JAKMIP2: variants seen among roughly 807,000 people sequenced by gnomAD.
JAKMIP2 encodes the protein janus kinase and microtubule-interacting protein 2.
A neutral mutation model predicts 115.0 loss-of-function variants in JAKMIP2; 25 were observed. That is an observed-to-expected ratio of 0.22 (90% CI 0.16 to 0.30). The LOEUF is 0.30. Ranked by LOEUF, JAKMIP2 falls within the 10% of genes least tolerant of loss-of-function variation. The pLI is 1.00. For missense variants in JAKMIP2, 642 were observed against 957.6 expected, an observed-to-expected ratio of 0.67 and a Z score of 4.35; for synonymous variants, 334 against 343.6, an observed-to-expected ratio of 0.97 and a Z score of 0.31.
chr5:147,612,648 A>T (rs1756391046), intron 19 of JAKMIP2, among the ~76,000 whole-genome samples: 1 of 152,192 alleles, frequency 6.6e-6, no homozygotes, highest in African/African-American at 2.4e-5. Flanking sequence ...CTTCCTAGTG[A>T]GGTGTAGATT....
At chr5:147,665,530 A>T (rs1302313301) in intron 2 of JAKMIP2, among the ~76,000 whole-genome samples, 2 of 152,222 alleles carry the variant, frequency 1.3e-5, no homozygotes, top group Non-Finnish European at 2.9e-5. Context: ...GCTGGTGGGT[A>T]ACAAGGGAAA....
At position 147,706,340 on chromosome 5, in the gene JAKMIP2, T is replaced by C. The variant is rs574803009; in HGVS notation, c.-148-34386A>G. 2.5e-4 allele frequency among the ~76,000 whole-genome samples: 38 copies of C among 152,204 alleles called. No individual in the cohort carries two copies. In the East Asian group the frequency reaches 6.8e-3, roughly 27 times the overall value. On this transcript the variant is annotated intron_variant, in intron 1 of 21. Transcript: ENST00000616793. ...ATTCTAACAACGTGTTGACCAGCAA[T>C]GCTTTTCAGTCAAGGCTGGCAAGGA...
chr5:147,764,967 G>A (rs71580454), intron 1 of JAKMIP2, among the ~76,000 whole-genome samples: 2,357 of 20,548 alleles, frequency 0.11, 158 homozygotes, highest in East Asian at 0.34. Flanking sequence ...AGAGAGAGAG[G>A]GGGAGAGAGA....
chr5:147,622,983 C>T, intron 17 of JAKMIP2, among the ~76,000 whole-genome samples: 1 of 152,086 alleles, frequency 6.6e-6, no homozygotes, highest in Non-Finnish European at 1.5e-5. Flanking sequence ...TGCAGTGGTA[C>T]AAAAATAGCT....
chr5:147,742,155 A>AT lies in JAKMIP2; in HGVS notation c.-149+40300dup, dbSNP rs755006646. ...TGTGGATCATTATATATATATATATATTTTTTTTACTATTGTATTGTATCT... is the reference window on the plus strand; with the variant it reads ...TGTGGATCATTATATATATATATATATTTTTTTTTACTATTGTATTGTATCT... On this transcript the variant is annotated intron_variant, in intron 1 of 21. Transcript: ENST00000616793. Among the ~76,000 whole-genome samples the AT allele has an allele frequency of 1.0e-3, 114 of 108,900 alleles. 7 individuals carry two copies. The highest frequency in any genetic ancestry group is 3.2e-3 in the African/African-American group (84 of 26,444). The allele number at this position is 108,900 out of a possible 152,430, so 71.4% of individuals were successfully genotyped here.
chr5:147,738,428 T>C (rs1754007883), intron 1 of JAKMIP2, among the ~76,000 whole-genome samples: 1 of 152,182 alleles, frequency 6.6e-6, no homozygotes, highest in Non-Finnish European at 1.5e-5. Context: ...ATTAAAAATA[T>C]ATGTATTTCC....
At chr5:147,696,159 CTGAGACCGACA>C (rs1238760806) in intron 1 of JAKMIP2, among the ~76,000 whole-genome samples, 1 of 152,166 alleles carries the variant, frequency 6.6e-6, no homozygotes, top group Admixed American at 6.5e-5. Context: ...ATAAGGTTTA[CTGAGACCGACA>C]TGTTGCAAAA....
intron 1 of JAKMIP2, among the ~76,000 whole-genome samples, chr5:147,751,518 C>G (rs1207370091): frequency 9.3e-6 from 1 of 106,966 alleles, no homozygotes; most frequent in Admixed American, 1.3e-4. Context: ...CCCCTCCCCC[C>G]ACCCCCTTCA....
intron 1 of JAKMIP2, among the ~76,000 whole-genome samples, chr5:147,742,155 A>ATATATATATATATATATT: frequency 1.8e-5 from 2 of 108,908 alleles, no homozygotes; most frequent in African/African-American, 7.6e-5. Context: ...ATATATATAT[A>ATATATATATATATATATT]TTTTTTTTAC....
At chr5:147,642,966 A>C (rs1757953155) in intron 7 of JAKMIP2, among the ~76,000 whole-genome samples, 1 of 152,044 alleles carries the variant, frequency 6.6e-6, no homozygotes, top group Non-Finnish European at 1.5e-5. Flanking sequence ...CTCCCAGCCT[A>C]CATCTTTCTC....
In JAKMIP2 at chr5:147,601,759, C is replaced by T. The variant is rs1439281459; in HGVS notation, c.*2G>A. 6.6e-7 allele frequency: 1 copy of T among 1,524,124 alleles called. No homozygotes were observed. The highest frequency in any genetic ancestry group is 8.8e-7 in the Non-Finnish European group (1 of 1,131,836). The allele number at this position is 1,524,124 out of a possible 1,614,324, so 94.4% of individuals were successfully genotyped here. On this transcript the variant is annotated 3_prime_UTR_variant, in exon 21 of 22. Transcript: ENST00000616793. ...ATCTTACCTTTAAGAGGCACCTTGA[C>T]ATCAAGGCCATAGAATAAAGGCAAG...
At chr5:147,745,359 T>C (rs1754315094) in intron 1 of JAKMIP2, among the ~76,000 whole-genome samples, 1 of 152,232 alleles carries the variant, frequency 6.6e-6, no homozygotes, top group South Asian at 2.1e-4. Flanking sequence ...TGTTGGATTC[T>C]GCTTGATTAA....
intron 1 of JAKMIP2, among the ~76,000 whole-genome samples, chr5:147,733,634 G>A (rs562344942): frequency 4.6e-5 from 7 of 151,934 alleles, no homozygotes; most frequent in Non-Finnish European, 8.8e-5. Flanking sequence ...CCGCTGACAG[G>A]CCCCGGTGCG....
chr5:147,675,782 CA>C (rs1407520857), intron 1 of JAKMIP2, among the ~76,000 whole-genome samples: 1,528 of 126,632 alleles, frequency 0.012, 20 homozygotes, highest in Middle Eastern at 0.065. Flanking sequence ...AATCATATGA[CA>C]TTTTTTTTTT....
intron 5 of JAKMIP2, among the ~76,000 whole-genome samples, chr5:147,645,722 T>C (rs1423596446): frequency 1.3e-5 from 2 of 152,152 alleles, no homozygotes; most frequent in Non-Finnish European, 2.9e-5. Flanking sequence ...GATGTTTTTT[T>C]GATGTAAGGT....
chr5:147,634,859 T>C (rs1561504905), intron 12 of JAKMIP2, among the ~76,000 whole-genome samples: 1 of 152,198 alleles, frequency 6.6e-6, no homozygotes, highest in African/African-American at 2.4e-5. Flanking sequence ...AGCCAGGATG[T>C]TGTGGTTAAT....
At chr5:147,604,800 TTTATTATTATTATTA>T (rs145441560) in intron 20 of JAKMIP2, among the ~76,000 whole-genome samples, 1,653 of 143,532 alleles carry the variant, frequency 0.012, 32 homozygotes, top group African/African-American at 0.037. Context: ...GGCCAGACAT[TTTATTATTATTATTA>T]TTATTATTAT....
rs1755017636 is a variant in JAKMIP2 at position 147,589,492 on chromosome 5, T to C, written c.*2215A>G. ...ATACAGCAGGATAGTCTGTTTTGTA[T>C]CTTCCCAGTAGGGCATACCACCTGG... On this transcript the variant is annotated 3_prime_UTR_variant, in exon 22 of 22. Transcript: ENST00000616793. The C allele has an allele frequency of 6.6e-6, 1 of 151,800 alleles. No homozygotes were observed. Among genetic ancestry groups the C allele is most frequent in the South Asian group, 2.1e-4 (1 of 4,796 alleles). 9.4% of individuals were successfully genotyped at this position (151,800 alleles called of 1,614,324 possible).
intron 1 of JAKMIP2, among the ~76,000 whole-genome samples, chr5:147,712,871 A>G (rs1331984373): frequency 6.6e-6 from 1 of 152,230 alleles, no homozygotes; most frequent in Non-Finnish European, 1.5e-5. Flanking sequence ...TAAAAGCCTA[A>G]GTAGTAACCT....
Sources: gnomAD v4.1 joint callset for allele counts (sites outside exome capture counted in the v4.1 genomes callset) on GRCh38, gnomAD v4.1.1 for gene constraint, MANE v1.5 for transcripts, NCBI Gene and HGNC (gene_info 2026-07-23, HGNC 2026-07-21) for gene names.